TUBGCP6: variants seen among roughly 807,000 people sequenced by gnomAD.
TUBGCP6 encodes tubulin gamma complex component 6, also known as gamma-tubulin complex component 6.
Under a neutral mutation model 175.8 loss-of-function variants are expected in TUBGCP6, and 161 were observed. The ratio of observed to expected loss-of-function variants is 0.92; its 90% confidence interval spans 0.81 to 1.04. The LOEUF (loss-of-function observed/expected upper bound fraction) is 1.04. Ranked by LOEUF, TUBGCP6 falls within the 50% of genes least tolerant of loss-of-function variation. TUBGCP6 has a pLI of 0.00. For synonymous variants in TUBGCP6, 1,173 were observed against 1,030.5 expected, an observed-to-expected ratio of 1.14 and a Z score of -2.65; for missense variants, 2,572 against 2,433.0, an observed-to-expected ratio of 1.06 and a Z score of -1.20.
At chr22:50,224,632 C>T (rs373554886) in intron 10 of TUBGCP6, 40 bp from the exon 11 acceptor site, 174 of 1,603,392 alleles carry the variant, frequency 1.1e-4, no homozygotes, top group Non-Finnish European at 1.3e-4. Context: ...CCTGGCCGGG[C>T]GCAGTGGCTC....
chr22:50,243,284 C>A (rs1265216343), intron 1 of TUBGCP6, among the ~76,000 whole-genome samples: 1 of 152,184 alleles, frequency 6.6e-6, no homozygotes, highest in Non-Finnish European at 1.5e-5. Context: ...CCCATCTCTA[C>A]TAAAAATACA....
intron 2 of TUBGCP6, among the ~76,000 whole-genome samples, chr22:50,235,033 G>A (rs1261682021): frequency 3.4e-5 from 5 of 147,424 alleles, no homozygotes; most frequent in Non-Finnish European, 6.0e-5. Flanking sequence ...CCCTGTCCAC[G>A]GCAGCATCAG....
chr22:50,238,749 G>A (rs2064806779), intron 2 of TUBGCP6, among the ~76,000 whole-genome samples: 1 of 152,058 alleles, frequency 6.6e-6, no homozygotes, highest in Non-Finnish European at 1.5e-5. Context: ...GTGTTAGCCA[G>A]GATGGTCTCG....
intron 2 of TUBGCP6, among the ~76,000 whole-genome samples, chr22:50,235,331 TCCACACCC>T (rs1334301171): frequency 4.6e-5 from 7 of 152,212 alleles, no homozygotes; most frequent in Admixed American, 3.9e-4. Context: ...CACAGCAGCA[TCCACACCC>T]CCGTCCACGG....
Position 50,224,516 on chromosome 22 carries a change from A to G in TUBGCP6, c.2060T>C (p.Leu687Pro). The G allele has an allele frequency of 6.2e-7, 1 of 1,614,138 alleles. No homozygotes were observed. Among genetic ancestry groups the G allele is most frequent in the Non-Finnish European group, 8.5e-7 (1 of 1,180,018 alleles). Residue 687 changes from leucine to proline, a missense_variant, in exon 11 of 25, where the codon CTG (leucine) becomes CCG (proline). Transcript: ENST00000248846. ...GAGGACTTGGGGCCACTCACCACTC[A>G]GTGCACTCAGGACCCTGGATGCTGC... is the stretch of plus-strand genomic sequence containing the variant. ...REAASRVLSA[L>P]SDRQMSERMA...
At chr22:50,222,183 G>T in intron 14 of TUBGCP6, 81 bp from the exon 15 acceptor site, 1 of 1,432,782 alleles carries the variant, frequency 7.0e-7, no homozygotes, top group Non-Finnish European at 9.7e-7. Context: ...AGCCCCTACC[G>T]CCCATGGCAG....
At chr22:50,225,753 CA>C (rs1197203995) in intron 10 of TUBGCP6, 40 bp downstream of exon 10, 4 of 1,581,836 alleles carry the variant, frequency 2.5e-6, no homozygotes, top group Non-Finnish European at 3.4e-6. Flanking sequence ...GAAGCAGAGG[CA>C]GGGGCGAAGA....
In TUBGCP6 at chr22:50,221,245, G is replaced by C; in HGVS notation, c.3114C>G (p.Asp1038Glu). 6.2e-7 allele frequency: 1 copy of C among 1,614,140 alleles called. No individual in the cohort carries two copies. The highest frequency in any genetic ancestry group is 8.5e-7 in the Non-Finnish European group (1 of 1,180,038). ...QVSGGGLPTG[D>E]YASEIAPTRP... Reference sequence around the variant, plus strand: ...GGGTGGGAGCTATTTCAGAAGCGTAGTCCCCTGTGGGAAGACCACCCCCTG... The same window carrying C: ...GGGTGGGAGCTATTTCAGAAGCGTACTCCCCTGTGGGAAGACCACCCCCTG... Residue 1038 changes from aspartate (D) to glutamate (E), a missense_variant, in exon 16 of 25, where the codon GAC becomes GAG. Asp to Glu is a conservative substitution (Grantham distance 45, BLOSUM62 2). Transcript: ENST00000248846.
chr22:50,219,277 G>C lies in TUBGCP6; in HGVS notation c.4484+11C>G. On this transcript the variant is annotated intron_variant, in intron 19 of 24. Transcript: ENST00000248846. ...GGGTGGGCAGACTGGCGCAGGGGCA[G>C]GGGCACTCACTGGGCGGCCAGCGGT... 1 of 1,607,362 alleles carries C rather than the reference G, an allele frequency of 6.2e-7. No individual in the cohort carries two copies. The highest frequency in any genetic ancestry group is 8.5e-7 in the Non-Finnish European group (1 of 1,177,862).
chr22:50,222,419 A>G (rs1231219716), intron 14 of TUBGCP6, 35 bp downstream of exon 14: 4 of 1,611,190 alleles, frequency 2.5e-6, no homozygotes, highest in Non-Finnish European at 3.4e-6. Flanking sequence ...CCCAAAGCCC[A>G]GGGGAAGAGC....
chr22:50,244,675 TGCCCGGC>T lies in TUBGCP6; in HGVS notation c.-223_-217del, dbSNP rs1162909691. The T allele has an allele frequency of 1.4e-6, 1 of 719,020 alleles. No individual in the cohort carries two copies. The allele number at this position is 719,020 out of a possible 1,614,324, so 44.5% of individuals were successfully genotyped here. A position where few individuals can be genotyped will look rare whatever the true frequency, so the allele number is the denominator to read the frequency against. On this transcript the variant is annotated 5_prime_UTR_variant, in exon 1 of 25. Coordinates refer to ENST00000248846, the MANE Select transcript of TUBGCP6 (RefSeq NM_020461.4). The stretch of plus-strand genomic sequence containing the variant: ...CCTGCCCTCCCCAGTCCAAGCACGC[TGCCCGGC>T]GCCCGGCAGCCCACCAGAAGCCAGC...
At chr22:50,233,615 C>T (rs187010127) in intron 2 of TUBGCP6, 89 bp from the exon 3 acceptor site, 2 of 1,258,694 alleles carry the variant, frequency 1.6e-6, no homozygotes, top group East Asian at 2.6e-5. Flanking sequence ...TGGGCATGAA[C>T]AGAAGAATGG....
chr22:50,225,909 C>CG lies in TUBGCP6; in HGVS notation c.1867dup (p.Arg623ProfsTer9), dbSNP rs777482270. 1 of 1,613,894 alleles carries CG rather than the reference C, an allele frequency of 6.2e-7. No individual in the cohort carries two copies. On this transcript the variant is annotated frameshift_variant, in exon 10 of 25. Transcript: ENST00000248846. LOFTEE classifies it high-confidence loss of function. The stretch of plus-strand genomic sequence containing the variant: ...CTCAAGGGAGAAAATCACCGAGATC[C>CG]GGGGGACAGGGACGTCGGACCAACA...
At position 50,221,756 on chromosome 22, in the gene TUBGCP6, G is replaced by A; in HGVS notation, c.2603C>T (p.Pro868Leu). Residue 868 changes from proline (P) to leucine (L), a missense_variant, in exon 16 of 25, where the codon CCC becomes CTC. Coordinates refer to ENST00000248846, the MANE Select transcript of TUBGCP6 (RefSeq NM_020461.4). The stretch of plus-strand genomic sequence containing the variant: ...AGCCCCCACTGCTAGAGGCTTAAGG[G>A]GCTGTGGGGTCAGCAGGCCTGGCCT... ...WNRPGLLTPQ[P>L]LKPLAVGAGG... 1 of 1,515,700 alleles carries A rather than the reference G, an allele frequency of 6.6e-7. No homozygotes were observed. Among genetic ancestry groups the A allele is most frequent in the Non-Finnish European group, 8.8e-7 (1 of 1,132,854 alleles). 93.9% of individuals were successfully genotyped at this position (1,515,700 alleles called of 1,614,324 possible).
intron 3 of TUBGCP6, among the ~76,000 whole-genome samples, chr22:50,232,666 G>A (rs2064709600): frequency 6.6e-6 from 1 of 152,272 alleles, no homozygotes; most frequent in Non-Finnish European, 1.5e-5. Context: ...AGCGCCGGCA[G>A]CAGCTGGAGC....
intron 4 of TUBGCP6, 28 bp from the exon 5 acceptor site, chr22:50,228,056 C>T (rs368094302): frequency 6.3e-5 from 95 of 1,511,854 alleles, no homozygotes; most frequent in Admixed American, 1.3e-4. Flanking sequence ...GGGAGGAGGG[C>T]GGCCAGGCAC....
chr22:50,226,437 C>G, intron 7 of TUBGCP6, 59 bp from the exon 8 acceptor site: 1 of 1,493,936 alleles, frequency 6.7e-7, no homozygotes, highest in African/African-American at 1.4e-5. Context: ...TGGGGCGTGG[C>G]TGTCAGTGAG....
At position 50,221,531 on chromosome 22, in the gene TUBGCP6, G is replaced by C; in HGVS notation, c.2828C>G (p.Thr943Ser). Residue 943 changes from threonine to serine, a missense_variant, in exon 16 of 25, where the codon ACT (threonine) becomes AGT (serine). Physicochemically the swap from Thr to Ser is moderately conservative, Grantham distance 58 (BLOSUM62 1). Transcript: ENST00000248846. The stretch of plus-strand genomic sequence containing the variant: ...GTACTCCTGTGGCCTGGAGGGCTGA[G>C]TGCTGGCTGCTGCGGGTGCCTCCCC... ...APGEAPAAAS[T>S]QPSRPQEYDF... 1 of 1,584,988 alleles carries C rather than the reference G, an allele frequency of 6.3e-7. No homozygotes were observed. Among genetic ancestry groups the C allele is most frequent in the Non-Finnish European group, 8.6e-7 (1 of 1,163,926 alleles).
At chr22:50,218,957 G>T in intron 20 of TUBGCP6, 60 bp from the exon 21 acceptor site, 1 of 1,584,452 alleles carries the variant, frequency 6.3e-7, no homozygotes. Flanking sequence ...GCACTCGCCG[G>T]CACCCCATGG....
Sources: gnomAD v4.1 joint callset for allele counts (sites outside exome capture counted in the v4.1 genomes callset) on GRCh38, gnomAD v4.1.1 for gene constraint, MANE v1.5 for transcripts, NCBI Gene and HGNC (gene_info 2026-07-23, HGNC 2026-07-21) for gene names.